Variants in BLZF1 observed in about 807,000 individuals in gnomAD.
The protein encoded by BLZF1 is basic leucine zipper nuclear factor 1.
BLZF1 carries 39 observed loss-of-function variants against 43.8 expected under a neutral mutation model. The observed-to-expected ratio is 0.89, with a 90% CI of 0.69 to 1.16. The LOEUF (loss-of-function observed/expected upper bound fraction) is 1.16. Among genes scored for constraint, BLZF1 ranks in the 50% most tolerant of loss-of-function variants. The pLI is 0.00. For missense variants in BLZF1, 449 were observed against 469.8 expected (o/e 0.96, Z 0.41); for synonymous variants, 136 against 159.4 (o/e 0.85, Z 1.11).
At chr1:169,380,115 A>G (rs1351876766) in intron 4 of BLZF1, among the ~76,000 whole-genome samples, 1 of 151,900 alleles carries the variant, frequency 6.6e-6, no homozygotes, top group African/African-American at 2.4e-5. Flanking sequence ...TGAGTGAAGA[A>G]GATAATTTAG....
At chr1:169,390,250 AAG>A (rs1320613801), downstream of BLZF1, among the ~76,000 whole-genome samples, 1 of 152,130 alleles carries the variant, frequency 6.6e-6, no homozygotes, top group East Asian at 1.9e-4. Context: ...AAAAATAAAA[AAG>A]ATCTCAAATC....
chr1:169,395,876 TTG>T (rs887359095), intron 7 of BLZF1: 4 of 119,850 alleles, frequency 3.3e-5, no homozygotes, highest in African/African-American at 1.0e-4. Flanking sequence ...CCTGGTTTTG[TTG>T]TTTTTTTTTT....
chr1:169,380,423 A>AT, intron 4 of BLZF1, 58 bp from the exon 5 acceptor site: 8 of 1,502,778 alleles, frequency 5.3e-6, no homozygotes, highest in South Asian at 1.3e-5. Context: ...AGTATATTCA[A>AT]TTTTTTACAC....
At position 169,382,218 on chromosome 1, in the gene BLZF1, T is replaced by A; in HGVS notation, c.954T>A (p.Asn318Lys). 2 of 1,613,504 alleles carry A rather than the reference T, an allele frequency of 1.2e-6. No homozygotes were observed. The highest frequency in any genetic ancestry group is 1.7e-6 in the Non-Finnish European group (2 of 1,179,656). Residue 318 changes from asparagine (N) to lysine (K), a missense_variant, in exon 6 of 7, where the codon AAT (asparagine) becomes AAA (lysine). By Grantham distance (94) the Asn-to-Lys change is moderately conservative. Transcript: ENST00000367808. ...TTCTGGGAAATGTTGGCATTAACAA[T>A]CAAAAAAAGATTCCATCAACAGTTG... is the stretch of plus-strand genomic sequence containing the variant. ...SHLLGNVGIN[N>K]QKKIPSTVEF... is the part of the protein sequence containing the mutation.
chr1:169,374,938 T>C (rs547631610), intron 2 of BLZF1, among the ~76,000 whole-genome samples: 72 of 152,176 alleles, frequency 4.7e-4, no homozygotes, highest in African/African-American at 1.7e-3. Context: ...ATCATAGGTA[T>C]TGAGCATGCA....
At chr1:169,375,388 TAAAAC>T (rs1186895971) in intron 2 of BLZF1, among the ~76,000 whole-genome samples, 4 of 74,316 alleles carry the variant, frequency 5.4e-5, no homozygotes, top group African/African-American at 1.7e-4. Context: ...CATATATATA[TAAAAC>T]ATATATATAT....
intron 2 of BLZF1, among the ~76,000 whole-genome samples, chr1:169,370,594 C>T (rs561546789): frequency 6.6e-5 from 10 of 152,286 alleles, no homozygotes; most frequent in East Asian, 1.9e-4. Context: ...TTCTCAATGA[C>T]GCTTGCCAAA....
chr1:169,375,090 G>A (rs956280380), intron 2 of BLZF1, among the ~76,000 whole-genome samples: 1 of 151,568 alleles, frequency 6.6e-6, no homozygotes, highest in African/African-American at 2.4e-5. Context: ...TAACTCAGAA[G>A]TTAAGAAAAA....
At chr1:169,368,553 C>A (rs1397289500) in intron 1 of BLZF1, among the ~76,000 whole-genome samples, 1 of 152,140 alleles carries the variant, frequency 6.6e-6, no homozygotes, top group Non-Finnish European at 1.5e-5. Flanking sequence ...CCTGCTCACT[C>A]CCCCTACTTA....
chr1:169,377,840 A>C (rs368389906), intron 3 of BLZF1, among the ~76,000 whole-genome samples: 2 of 151,964 alleles, frequency 1.3e-5, no homozygotes, highest in Non-Finnish European at 2.9e-5. Flanking sequence ...CTGTTATTGG[A>C]TATCTTTTAA....
chr1:169,381,879 CAT>C (rs1311163759), intron 5 of BLZF1, among the ~76,000 whole-genome samples, 181 bp from the exon 6 acceptor site: 1 of 152,164 alleles, frequency 6.6e-6, no homozygotes, highest in Non-Finnish European at 1.5e-5. Flanking sequence ...AGTAGATTAA[CAT>C]ATGCTTTCTG....
At chr1:169,369,978 A>G (rs935781789) in intron 2 of BLZF1, among the ~76,000 whole-genome samples, 3 of 152,204 alleles carry the variant, frequency 2.0e-5, no homozygotes, top group African/African-American at 7.2e-5. Flanking sequence ...AACAAAATGT[A>G]TTCTCTCAGT....
intron 7 of BLZF1, among the ~76,000 whole-genome samples, chr1:169,394,495 C>G (rs1378129346): frequency 6.6e-6 from 1 of 152,102 alleles, no homozygotes; most frequent in Admixed American, 6.5e-5. Flanking sequence ...CCCAGGAGTC[C>G]CCAGTGTCTA....
downstream of BLZF1, among the ~76,000 whole-genome samples, chr1:169,390,861 TAAAC>T (rs1654798688): frequency 6.6e-6 from 1 of 152,016 alleles, no homozygotes; most frequent in African/African-American, 2.4e-5. Context: ...TCCTAAGAAA[TAAAC>T]AAAAACATAA....
In BLZF1 at chr1:169,387,313, T is replaced by TA; in HGVS notation, c.*132dup. 1.3e-6 allele frequency: 1 copy of TA among 765,650 alleles called. No homozygotes were observed. Among genetic ancestry groups the TA allele is most frequent in the Non-Finnish European group, 2.0e-6 (1 of 492,896 alleles). 47.4% of individuals were successfully genotyped at this position (765,650 alleles called of 1,614,324 possible). On this transcript the variant is annotated 3_prime_UTR_variant, in exon 7 of 7. Coordinates refer to ENST00000367808, the MANE Select transcript of BLZF1 (RefSeq NM_001320973.2). ...TTTACATAATGTATACACCCAAAGA[T>TA]ATTTTATGTACTAGACTCCAGATTA... is the stretch of plus-strand genomic sequence containing the variant.
At chr1:169,386,397 C>G (rs1654667178) in intron 6 of BLZF1, among the ~76,000 whole-genome samples, 1 of 152,040 alleles carries the variant, frequency 6.6e-6, no homozygotes. Context: ...AAATTGACAT[C>G]ACTTAATGAT....
At chr1:169,392,178 GTC>G (rs78013453), downstream of BLZF1, among the ~76,000 whole-genome samples, 9,172 of 152,262 alleles carry the variant, frequency 0.06, 1,409 homozygotes, top group East Asian at 0.66. Context: ...ACCCAAAGCA[GTC>G]TACAGATTCA....
At chr1:169,369,609 C>T (rs1165298306) in intron 2 of BLZF1, 59 bp downstream of exon 2, 3 of 1,339,210 alleles carry the variant, frequency 2.2e-6, no homozygotes, top group Admixed American at 3.6e-5. Flanking sequence ...TGTGAAGGAA[C>T]GTTTGAGCCA....
intron 7 of BLZF1, chr1:169,395,880 T>G (rs1189356655): frequency 2.2e-5 from 3 of 134,962 alleles, no homozygotes; most frequent in African/African-American, 7.8e-5. Context: ...GTTTTGTTGT[T>G]TTTTTTTTTT....
Sources: allele counts gnomAD v4.1 joint callset (sites outside exome capture counted in the v4.1 genomes callset), GRCh38; gene constraint gnomAD v4.1.1; transcripts MANE v1.5; gene names NCBI Gene and HGNC (gene_info 2026-07-23, HGNC 2026-07-21).